ADAMTS20: variants seen among roughly 807,000 people sequenced by gnomAD.
ADAMTS20 encodes the protein ADAM metallopeptidase with thrombospondin type 1 motif 20.
ADAMTS20 carries 225 observed loss-of-function variants against 260.1 expected under a neutral mutation model. The observed-to-expected ratio is 0.87, with a 90% confidence interval of 0.78 to 0.97. ADAMTS20 has a LOEUF of 0.97. Ranked by LOEUF, ADAMTS20 falls within the 50% of genes least tolerant of loss-of-function variation. ADAMTS20 has a pLI of 0.00. For synonymous variants in ADAMTS20, 802 were observed against 769.5 expected, an observed-to-expected ratio of 1.04 and a Z score of -0.70; for missense variants, 2,400 against 2,337.7, an observed-to-expected ratio of 1.03 and a Z score of -0.55.
Position 43,432,702 on chromosome 12 carries a change from C to A in ADAMTS20, c.2830G>T (p.Val944Phe), listed in dbSNP as rs760035053. 6.2e-7 allele frequency: 1 copy of A among 1,613,938 alleles called. No homozygotes were observed. The highest frequency in any genetic ancestry group is 1.1e-5 in the South Asian group (1 of 91,084). Residue 944 changes from valine (V) to phenylalanine (F), a missense_variant, in exon 20 of 39, where the codon GTT (valine) becomes TTT (phenylalanine). Coordinates refer to ENST00000389420, the MANE Select transcript of ADAMTS20 (RefSeq NM_025003.5). ...YSIHEGQTVQ[V>F]DDHYCGDQLK... Reference sequence around the variant, plus strand: ...TGGTCACCACAGTAGTGGTCATCAACTTGAACAGTCTGTCCTTCATGAATG... The same window carrying A: ...TGGTCACCACAGTAGTGGTCATCAAATTGAACAGTCTGTCCTTCATGAATG...
In ADAMTS20 at chr12:43,494,563, C is replaced by T. The variant is rs554212691; in HGVS notation, c.868-1310G>A. ...ATATTTACAGGTTTGTCATCTGTAC[C>T]TATAGTGATGACTTTGGCTCTGGTG... On this transcript the variant is annotated intron_variant, in intron 4 of 38. Transcript: ENST00000389420. Among the ~76,000 whole-genome samples the T allele has an allele frequency of 9.2e-5, 14 of 152,268 alleles. No homozygotes were observed. The East Asian group carries it at 9.7e-4, about 11-fold the overall frequency.
chr12:43,447,396 T>G (rs886689055), intron 14 of ADAMTS20, among the ~76,000 whole-genome samples: 1 of 152,114 alleles, frequency 6.6e-6, no homozygotes, highest in Non-Finnish European at 1.5e-5. Context: ...AAAAATCACA[T>G]GATTATCTCA....
At chr12:43,405,236 A>C (rs1337098298) in intron 28 of ADAMTS20, among the ~76,000 whole-genome samples, 75 of 117,544 alleles carry the variant, frequency 6.4e-4, no homozygotes, top group African/African-American at 1.9e-3. Flanking sequence ...CTACAAAAAA[A>C]AAAAAAAAAA....
At chr12:43,485,728 G>A (rs1234309666) in intron 7 of ADAMTS20, among the ~76,000 whole-genome samples, 3 of 152,004 alleles carry the variant, frequency 2.0e-5, no homozygotes, top group Admixed American at 6.6e-5. Context: ...AAAGTCTTAG[G>A]TTCCCAAATC....
chr12:43,497,576 G>C, intron 4 of ADAMTS20, among the ~76,000 whole-genome samples: 1 of 152,018 alleles, frequency 6.6e-6, no homozygotes, highest in East Asian at 1.9e-4. Flanking sequence ...AGAATATGCA[G>C]AGCACTAAAT....
rs1241795900 is a variant in ADAMTS20 at position 43,399,185 on chromosome 12, T to C, written c.4333A>G (p.Ile1445Val). The part of the protein sequence containing the change: ...KGRKYREVFC[I>V]DQFQRKLEDT... ...TCTAATTTCCTTTGGAATTGGTCAA[T>C]GCAAAACACTTCACGGTACTTTCTA... is the stretch of plus-strand genomic sequence containing the variant. Residue 1445 changes from isoleucine (I) to valine (V), a missense_variant, in exon 29 of 39, where the codon ATT becomes GTT. By Grantham distance (29) the Ile-to-Val change is conservative. Coordinates refer to ENST00000389420, the MANE Select transcript of ADAMTS20 (RefSeq NM_025003.5). 2.5e-6 allele frequency: 4 copies of C among 1,582,398 alleles called. No homozygotes were observed. Among genetic ancestry groups the C allele is most frequent in the Non-Finnish European group, 3.4e-6 (4 of 1,163,146 alleles).
intron 3 of ADAMTS20, among the ~76,000 whole-genome samples, chr12:43,523,586 T>C (rs939283453): frequency 5.9e-5 from 9 of 152,300 alleles, no homozygotes; most frequent in East Asian, 1.9e-4. Flanking sequence ...TTTAGCTTGC[T>C]GCTGCTAGCA....
intron 29 of ADAMTS20, among the ~76,000 whole-genome samples, chr12:43,387,308 C>T (rs1251202323): frequency 6.6e-6 from 1 of 152,204 alleles, no homozygotes; most frequent in Non-Finnish European, 1.5e-5. Context: ...GCCTGGGTAT[C>T]ACCAGCAGAG....
At chr12:43,429,908 T>C (rs1449320434) in intron 23 of ADAMTS20, among the ~76,000 whole-genome samples, 184 bp from the exon 24 acceptor site, 1 of 152,190 alleles carries the variant, frequency 6.6e-6, no homozygotes, top group East Asian at 1.9e-4. Flanking sequence ...TAGTGGATAA[T>C]GACTGAATCC....
chr12:43,399,241 A>G lies in ADAMTS20; in HGVS notation c.4285-8T>C, dbSNP rs779671685. 3 of 1,492,508 alleles carry G rather than the reference A, an allele frequency of 2.0e-6. No homozygotes were observed. The highest frequency in any genetic ancestry group is 2.7e-6 in the Non-Finnish European group (3 of 1,121,306). 92.5% of individuals were successfully genotyped at this position (1,492,508 alleles called of 1,614,324 possible). On this transcript the variant is annotated splice_polypyrimidine_tract_variant and splice_region_variant and intron_variant, in intron 28 of 38. Coordinates refer to ENST00000389420, the MANE Select transcript of ADAMTS20 (RefSeq NM_025003.5). ...ACCACAAGAAGCTGAGCACTAGAAAAGAAATATGAATGCACTTGATTCATT... is the reference window on the plus strand; with the variant it reads ...ACCACAAGAAGCTGAGCACTAGAAAGGAAATATGAATGCACTTGATTCATT...
Position 43,470,082 on chromosome 12 carries a change from C to T in ADAMTS20, c.1118-1377G>A, listed in dbSNP as rs557218940. ...TATTTCTCTGTAGAGAAATTATTTCCTCTGTAGAGTGTGAGGGAATTACTG... is the reference window on the plus strand; with the variant it reads ...TATTTCTCTGTAGAGAAATTATTTCTTCTGTAGAGTGTGAGGGAATTACTG... On this transcript the variant is annotated intron_variant, in intron 7 of 38. Transcript: ENST00000389420. Among the ~76,000 whole-genome samples, 241 of 152,238 alleles carry T rather than the reference C, an allele frequency of 1.6e-3. 1 individual carries two copies. Among genetic ancestry groups the T allele is most frequent in the African/African-American group, 5.1e-3 (213 of 41,526 alleles).
intron 4 of ADAMTS20, among the ~76,000 whole-genome samples, chr12:43,501,520 G>A (rs1592099813): frequency 1.1e-5 from 1 of 93,992 alleles, no homozygotes; most frequent in East Asian, 7.4e-4. Context: ...GATGAAGCGT[G>A]ATGCCACTTA....
intron 14 of ADAMTS20, among the ~76,000 whole-genome samples, chr12:43,448,856 C>T (rs1178705636): frequency 6.6e-6 from 1 of 151,926 alleles, no homozygotes. Flanking sequence ...TAAGAGAAGA[C>T]ATACATGCAG....
At chr12:43,403,871 T>G (rs1940861048) in intron 28 of ADAMTS20, among the ~76,000 whole-genome samples, 1 of 152,028 alleles carries the variant, frequency 6.6e-6, no homozygotes, top group Non-Finnish European at 1.5e-5. Flanking sequence ...CCGGAAAATA[T>G]TCTGTTCATT....
At chr12:43,486,117 C>T (rs148501625) in intron 7 of ADAMTS20, among the ~76,000 whole-genome samples, 3 of 151,970 alleles carry the variant, frequency 2.0e-5, no homozygotes, top group Non-Finnish European at 4.4e-5. Flanking sequence ...AACCCAGTAG[C>T]TAAGGCAATC....
At chr12:43,502,481 C>A in intron 3 of ADAMTS20, 76 bp from the exon 4 acceptor site, 3 of 1,370,042 alleles carry the variant, frequency 2.2e-6, no homozygotes, top group Non-Finnish European at 9.9e-7. Context: ...AATAGAACAG[C>A]CAAAAATATT....
chr12:43,444,746 T>C (rs1006784977), intron 15 of ADAMTS20, among the ~76,000 whole-genome samples: 1 of 152,198 alleles, frequency 6.6e-6, no homozygotes, highest in Non-Finnish European at 1.5e-5. Flanking sequence ...GATTTCCTCC[T>C]AGTTAACTGC....
chr12:43,356,104 T>C (rs997553984), intron 38 of ADAMTS20, among the ~76,000 whole-genome samples: 1 of 152,166 alleles, frequency 6.6e-6, no homozygotes, highest in Non-Finnish European at 1.5e-5. Context: ...TTTTGAAATA[T>C]TAAAACCTGT....
chr12:43,409,618 A>AAAC, intron 28 of ADAMTS20, among the ~76,000 whole-genome samples: 1 of 147,548 alleles, frequency 6.8e-6, no homozygotes, highest in African/African-American at 2.5e-5. Flanking sequence ...AAAAAAAAAA[A>AAAC]AAAAAAAAAA....
Sources: allele counts gnomAD v4.1 joint callset (sites outside exome capture counted in the v4.1 genomes callset), GRCh38; gene constraint gnomAD v4.1.1; transcripts MANE v1.5; gene names NCBI Gene and HGNC (gene_info 2026-07-23, HGNC 2026-07-21).